The following CWC27 variants were observed in gnomAD, a reference collection of about 807,000 sequenced individuals.
CWC27 encodes spliceosome-associated protein CWC27 homolog.
In CWC27, 47 loss-of-function variants were observed where a neutral mutation model predicts 63.6. The observed-to-expected ratio is 0.74, with a 90% CI of 0.58 to 0.94. The LOEUF is 0.94. CWC27 is among the 40% of genes least tolerant of loss of function. CWC27 has a pLI of 0.00. For missense variants in CWC27, 495 were observed against 554.3 expected (o/e 0.89, Z 1.07); for synonymous variants, 175 against 179.8 (o/e 0.97, Z 0.22).
chr5:64,853,514 A>G (rs1025841645), intron 10 of CWC27, among the ~76,000 whole-genome samples: 1 of 152,206 alleles, frequency 6.6e-6, no homozygotes, highest in Non-Finnish European at 1.5e-5. Context: ...ATATTAGTCC[A>G]TTCTTATGTT....
intron 10 of CWC27, among the ~76,000 whole-genome samples, chr5:64,851,952 C>T (rs574991206): frequency 1.9e-3 from 282 of 152,244 alleles, no homozygotes; most frequent in African/African-American, 6.5e-3. Flanking sequence ...AAACTAATAA[C>T]AGTTTCAATT....
chr5:64,773,213 A>G (rs1341973987), intron 1 of CWC27, among the ~76,000 whole-genome samples: 1 of 152,182 alleles, frequency 6.6e-6, no homozygotes, highest in African/African-American at 2.4e-5. Context: ...TTTGCCTTAA[A>G]TATATATTGT....
chr5:64,960,072 T>TC (rs1748878464), intron 11 of CWC27, among the ~76,000 whole-genome samples: 1 of 152,154 alleles, frequency 6.6e-6, no homozygotes, highest in Non-Finnish European at 1.5e-5. Flanking sequence ...GTCTTTTTTT[T>TC]CCCCTCATTA....
At chr5:64,898,527 G>A (rs1241925915) in intron 11 of CWC27, among the ~76,000 whole-genome samples, 1 of 152,084 alleles carries the variant, frequency 6.6e-6, no homozygotes, top group African/African-American at 2.4e-5. Flanking sequence ...TTTGTCACTT[G>A]TTTTTTCCCA....
At chr5:64,922,967 C>T (rs1356885267) in intron 11 of CWC27, among the ~76,000 whole-genome samples, 1 of 152,186 alleles carries the variant, frequency 6.6e-6, no homozygotes, top group African/African-American at 2.4e-5. Context: ...GCCCTCTCAT[C>T]TCTCAAGGTT....
chr5:64,845,374 A>T (rs531238622), intron 10 of CWC27, among the ~76,000 whole-genome samples: 1 of 152,252 alleles, frequency 6.6e-6, no homozygotes, highest in Admixed American at 6.5e-5. Flanking sequence ...AGCTTCAGTA[A>T]TGGACCCCAA....
intron 4 of CWC27, among the ~76,000 whole-genome samples, 156 bp from the exon 5 acceptor site, chr5:64,785,325 A>G (rs1278582070): frequency 1.3e-5 from 2 of 152,150 alleles, no homozygotes; most frequent in Non-Finnish European, 2.9e-5. Context: ...CTCCTTTAAG[A>G]TAAAGTTGCT....
intron 11 of CWC27, among the ~76,000 whole-genome samples, chr5:64,897,800 C>G (rs1387679929): frequency 6.6e-6 from 1 of 151,994 alleles, no homozygotes; most frequent in East Asian, 1.9e-4. Flanking sequence ...ATTACTAGGC[C>G]TAGAATCTCC....
intron 11 of CWC27, among the ~76,000 whole-genome samples, chr5:64,924,600 C>G (rs758205191): frequency 6.5e-4 from 99 of 152,028 alleles, no homozygotes; most frequent in Non-Finnish European, 1.1e-3. Context: ...ATTATCACCC[C>G]AAATCTAAAT....
intron 13 of CWC27, among the ~76,000 whole-genome samples, chr5:65,014,843 G>T (rs1174973837): frequency 6.6e-6 from 1 of 152,182 alleles, no homozygotes; most frequent in African/African-American, 2.4e-5. Context: ...AAGATAAATG[G>T]ATGAAGCATT....
chr5:64,839,813 G>GA lies in CWC27; in HGVS notation c.938+35434dup, dbSNP rs932774009. On this transcript the variant is annotated intron_variant, in intron 10 of 13. Coordinates refer to ENST00000381070, the MANE Select transcript of CWC27 (RefSeq NM_005869.4). ...ATCTAAGGGGGAGATTAAAGCTCTT[G>GA]AAAAAAACACAGAAAAGATGGGGAA... 2.6e-5 allele frequency among the ~76,000 whole-genome samples: 4 copies of GA among 152,090 alleles called. No homozygotes were observed. In the East Asian group the frequency reaches 5.8e-4, roughly 22 times the overall value.
At chr5:64,851,948 A>G (rs948951885) in intron 10 of CWC27, among the ~76,000 whole-genome samples, 2 of 152,184 alleles carry the variant, frequency 1.3e-5, no homozygotes, top group East Asian at 3.8e-4. Flanking sequence ...TTAGAAACTA[A>G]TAACAGTTTC....
In CWC27 at chr5:65,002,162, CCTT is replaced by C. The variant is rs1242968323; in HGVS notation, c.1257-15993_1257-15991del. Among the ~76,000 whole-genome samples the C allele has an allele frequency of 3.3e-5, 5 of 151,924 alleles. No homozygotes were observed. The East Asian group carries it at 5.8e-4, about 18-fold the overall frequency. The stretch of plus-strand genomic sequence containing the variant: ...TTCTGCTGTATTAATTATAATGTCT[CCTT>C]CTTTCTCATTTTATTTATTTTGGGC... On this transcript the variant is annotated intron_variant, in intron 13 of 13. Transcript: ENST00000381070.
In CWC27 at chr5:64,807,826, G is replaced by A. The variant is rs562548902; in HGVS notation, c.938+3440G>A. ...AAATGAGAGTAAATTTCTTCAACCC[G>A]TATTTCTTTCTCTTCCCCGCTTCGA... On this transcript the variant is annotated intron_variant, in intron 10 of 13. Coordinates refer to ENST00000381070, the MANE Select transcript of CWC27 (RefSeq NM_005869.4). The A allele has an allele frequency of 7.1e-5, 108 of 1,531,154 alleles. 4 individuals carry two copies. The South Asian group carries it at 1.0e-3, about 15-fold the overall frequency. 94.8% of individuals were successfully genotyped at this position (1,531,154 alleles called of 1,614,324 possible).
intron 11 of CWC27, among the ~76,000 whole-genome samples, chr5:64,895,110 G>C (rs1280192172): frequency 6.6e-6 from 1 of 152,178 alleles, no homozygotes; most frequent in Non-Finnish European, 1.5e-5. Context: ...CACACTGCCT[G>C]AGTGGTCTCC....
chr5:64,922,818 C>T (rs77300540), intron 11 of CWC27, among the ~76,000 whole-genome samples: 3,501 of 152,042 alleles, frequency 0.023, 129 homozygotes, highest in African/African-American at 0.081. Context: ...CTTCATTGTC[C>T]TTGAGGGTTT....
chr5:64,960,471 T>G (rs1748886764), intron 11 of CWC27, among the ~76,000 whole-genome samples: 1 of 152,158 alleles, frequency 6.6e-6, no homozygotes, highest in African/African-American at 2.4e-5. Context: ...ATGTTAAATG[T>G]TAGCCATCGT....
At chr5:64,909,140 T>G (rs1388135477) in intron 11 of CWC27, among the ~76,000 whole-genome samples, 2 of 152,362 alleles carry the variant, frequency 1.3e-5, no homozygotes, top group Non-Finnish European at 2.9e-5. Context: ...CCTTCACTTA[T>G]GAAGTTTAGT....
intron 10 of CWC27, among the ~76,000 whole-genome samples, chr5:64,814,673 G>A (rs1057311132): frequency 6.6e-6 from 1 of 152,200 alleles, no homozygotes; most frequent in Non-Finnish European, 1.5e-5. Flanking sequence ...AGAGCCTAGA[G>A]AGGGGTTGGC....
Sources: gnomAD v4.1 joint callset for allele counts (sites outside exome capture counted in the v4.1 genomes callset) on GRCh38, gnomAD v4.1.1 for gene constraint, MANE v1.5 for transcripts, NCBI Gene and HGNC (gene_info 2026-07-23, HGNC 2026-07-21) for gene names.